Variants in MON2 observed in about 807,000 individuals in gnomAD.
The protein encoded by MON2 is protein MON2 homolog.
A neutral mutation model predicts 208.6 loss-of-function variants in MON2; 84 were observed. The ratio of observed to expected loss-of-function variants is 0.40; its 90% CI spans 0.34 to 0.48. MON2 has a LOEUF of 0.48. Ranked by LOEUF, MON2 falls within the 20% of genes least tolerant of loss-of-function variation. The probability of loss-of-function intolerance (pLI) is 0.59; values close to 1 mark genes in which losing one functional copy is unlikely to be tolerated. For missense variants in MON2, 1,611 were observed against 2,015.4 expected (o/e 0.80, Z 3.84); for synonymous variants, 660 against 694.0 (o/e 0.95, Z 0.77).
At chr12:62,529,968 TTTATC>T (rs2072542864) in intron 11 of MON2, among the ~76,000 whole-genome samples, 1 of 152,172 alleles carries the variant, frequency 6.6e-6, no homozygotes. Context: ...ACCTCAAACA[TTTATC>T]TTTTCTTTAT....
chr12:62,474,896 T>A (rs2068987892), intron 1 of MON2, among the ~76,000 whole-genome samples: 1 of 152,298 alleles, frequency 6.6e-6, no homozygotes, highest in South Asian at 2.1e-4. Flanking sequence ...AGCTCTGTAA[T>A]TTTTAGCATA....
chr12:62,524,996 T>G, intron 9 of MON2, 88 bp from the exon 10 acceptor site: 1 of 1,143,510 alleles, frequency 8.7e-7, no homozygotes, highest in Non-Finnish European at 1.2e-6. Context: ...TTGGTAACTC[T>G]TATAGTAATA....
chr12:62,521,371 A>G (rs1237266038), intron 8 of MON2, among the ~76,000 whole-genome samples: 1 of 152,192 alleles, frequency 6.6e-6, no homozygotes, highest in Non-Finnish European at 1.5e-5. Flanking sequence ...GGCAGTGAAG[A>G]ATCCAATGAC....
At chr12:62,478,310 A>G (rs1253080337) in intron 1 of MON2, among the ~76,000 whole-genome samples, 1 of 152,204 alleles carries the variant, frequency 6.6e-6, no homozygotes, top group African/African-American at 2.4e-5. Context: ...GGTAGTATGA[A>G]GAAACAGACA....
chr12:62,516,145 T>C (rs1202532650), intron 8 of MON2, among the ~76,000 whole-genome samples: 3 of 152,084 alleles, frequency 2.0e-5, no homozygotes, highest in Admixed American at 6.6e-5. Context: ...TGCAGGACAT[T>C]ATGTTAAGTG....
Position 62,580,397 on chromosome 12 carries a change from A to C in MON2, c.4676A>C (p.His1559Pro), listed in dbSNP as rs752272766. ...ACAATGCTTAACAAGGGCTCAATAC[A>C]TTCTCAGTCATCTTCATTTACAGGT... ...IMTMLNKGSI[H>P]SQSSSFTEAE... Residue 1559 changes from histidine (H) to proline (P), a missense_variant, in exon 32 of 35, where the codon CAT becomes CCT. Coordinates refer to ENST00000393630, the MANE Select transcript of MON2 (RefSeq NM_015026.3). 2 of 1,602,484 alleles carry C rather than the reference A, an allele frequency of 1.2e-6. No homozygotes were observed. The highest frequency in any genetic ancestry group is 1.7e-6 in the Non-Finnish European group (2 of 1,172,248).
At chr12:62,496,376 A>G (rs1482037809) in intron 4 of MON2, among the ~76,000 whole-genome samples, 3 of 152,144 alleles carry the variant, frequency 2.0e-5, no homozygotes, top group Admixed American at 6.5e-5. Flanking sequence ...TGGAAATGCA[A>G]TAATTGGGGA....
chr12:62,494,946 C>T, intron 3 of MON2, 70 bp from the exon 4 acceptor site: 1 of 1,172,310 alleles, frequency 8.5e-7, no homozygotes, highest in African/African-American at 1.6e-5. Context: ...GTTTGTATAC[C>T]TTCTCTTATT....
At chr12:62,588,417 A>C (rs959581336) in intron 34 of MON2, among the ~76,000 whole-genome samples, 2 of 151,994 alleles carry the variant, frequency 1.3e-5, no homozygotes, top group Non-Finnish European at 2.9e-5. Context: ...TTATTGCAAG[A>C]ATAATCCATA....
In MON2 at chr12:62,560,908, T is replaced by A; in HGVS notation, c.3827T>A (p.Leu1276Ter). 1.2e-6 allele frequency: 2 copies of A among 1,613,830 alleles called. No individual in the cohort carries two copies. The highest frequency in any genetic ancestry group is 1.7e-6 in the Non-Finnish European group (2 of 1,179,730). ...FIPSQPFLTALIQIFPALYQH... is the reference protein window; with the variant it reads ...FIPSQPFLTA ...CCTAGCCAGCCTTTTCTTACAGCTT[T>A]AATTCAGATATTTCCAGCTCTCTAC... Residue 1276 changes from leucine to a stop codon, truncating the protein, a stop_gained, in exon 26 of 35, where the codon TTA becomes TAA. Transcript: ENST00000393630. LOFTEE classifies it high-confidence loss of function.
At chr12:62,556,465 G>A (rs1043761885) in intron 25 of MON2, among the ~76,000 whole-genome samples, 8 of 152,190 alleles carry the variant, frequency 5.3e-5, no homozygotes, top group African/African-American at 1.9e-4. Context: ...TGTGTTACAA[G>A]GAGTGGTACT....
At chr12:62,517,187 T>G (rs936115423) in intron 8 of MON2, among the ~76,000 whole-genome samples, 1 of 152,214 alleles carries the variant, frequency 6.6e-6, no homozygotes, top group Non-Finnish European at 1.5e-5. Flanking sequence ...TTAGAATGTT[T>G]CTTAACTACA....
chr12:62,558,248 G>A (rs1443388373), intron 25 of MON2, among the ~76,000 whole-genome samples: 2 of 151,762 alleles, frequency 1.3e-5, no homozygotes, highest in African/African-American at 2.4e-5. Context: ...AAAGTGCTGG[G>A]ATTACAGGCG....
rs2074957156 is a variant in MON2, at chr12:62,580,296, G to T, written c.4576-1G>T. On this transcript the variant is annotated splice_acceptor_variant, in intron 31 of 34. Transcript: ENST00000393630. LOFTEE classifies it high-confidence loss of function. ...ATTTGCATTTGCCTCTTTTGTTTTA[G>T]GTAGTTCAACTTATCAGCAATGAGA... is the stretch of plus-strand genomic sequence containing the variant. 6.2e-7 allele frequency: 1 copy of T among 1,608,556 alleles called. No homozygotes were observed. Among genetic ancestry groups the T allele is most frequent in the Non-Finnish European group, 8.5e-7 (1 of 1,177,420 alleles).
rs1372174280 is a variant in MON2, at chr12:62,596,771, A to T, written c.*4022A>T. On this transcript the variant is annotated 3_prime_UTR_variant, in exon 35 of 35. Coordinates refer to ENST00000393630, the MANE Select transcript of MON2 (RefSeq NM_015026.3). ...CTCTGGAAAGTAGAATAGTGCTTTCATTTGAATGAAAAGTGTTTATAGATT... is the reference window on the plus strand; with the variant it reads ...CTCTGGAAAGTAGAATAGTGCTTTCTTTTGAATGAAAAGTGTTTATAGATT... 6.6e-6 allele frequency: 1 copy of T among 152,242 alleles called. No individual in the cohort carries two copies. The highest frequency in any genetic ancestry group is 1.5e-5 in the Non-Finnish European group (1 of 68,036). The allele number at this position is 152,242 out of a possible 1,614,324, so 9.4% of individuals were successfully genotyped here. A position where few individuals can be genotyped will look rare whatever the true frequency, so the allele number is the denominator to read the frequency against.
intron 7 of MON2, among the ~76,000 whole-genome samples, chr12:62,507,366 A>G (rs2071161599): frequency 1.4e-5 from 2 of 145,032 alleles, no homozygotes; most frequent in African/African-American, 2.6e-5. Context: ...CCCAGATTGG[A>G]GTACAGTGGT....
rs1458128119 is a variant in MON2, at chr12:62,538,402, AT to A, written c.2274-10del. On this transcript the variant is annotated splice_polypyrimidine_tract_variant and intron_variant, in intron 18 of 34. Transcript: ENST00000393630. ...TTAGATCAAGATGTCTTATTTCTTC[AT>A]TTCCTTTTTAGGTATCTTGATGATG... 1.9e-6 allele frequency: 3 copies of A among 1,602,366 alleles called. No individual in the cohort carries two copies. The highest frequency in any genetic ancestry group is 1.7e-6 in the Non-Finnish European group (2 of 1,170,220).
chr12:62,530,827 C>T (rs2072601408), intron 11 of MON2, among the ~76,000 whole-genome samples: 1 of 152,162 alleles, frequency 6.6e-6, no homozygotes, highest in African/African-American at 2.4e-5. Flanking sequence ...TTTTCCCAAG[C>T]AACTATATCA....
intron 4 of MON2, among the ~76,000 whole-genome samples, chr12:62,497,169 A>T (rs1335823046): frequency 1.5e-5 from 1 of 68,240 alleles, no homozygotes; most frequent in Non-Finnish European, 2.9e-5. Context: ...GGGTTGGGGG[A>T]GGGGGGAGGG....
Sources: allele counts gnomAD v4.1 joint callset (sites outside exome capture counted in the v4.1 genomes callset), GRCh38; gene constraint gnomAD v4.1.1; transcripts MANE v1.5; gene names NCBI Gene and HGNC (gene_info 2026-07-23, HGNC 2026-07-21).